The following SERPINI1 variants were observed in gnomAD, a reference collection of about 807,000 sequenced individuals.
SERPINI1 encodes serpin family I member 1, also known as neuroserpin.
Under a neutral mutation model 41.1 loss-of-function variants are expected in SERPINI1, and 19 were observed. That is an observed-to-expected ratio of 0.46 (90% CI 0.32 to 0.68). SERPINI1 has a LOEUF of 0.68. Among genes scored for constraint, SERPINI1 ranks in the 30% least tolerant of loss-of-function variants. SERPINI1 has a pLI of 0.03. For missense variants in SERPINI1, 460 were observed against 479.2 expected, an observed-to-expected ratio of 0.96 and a Z score of 0.37; for synonymous variants, 138 against 156.6, an observed-to-expected ratio of 0.88 and a Z score of 0.89.
At chr3:167,760,239 A>G (rs1217367561) in intron 1 of SERPINI1, among the ~76,000 whole-genome samples, 1 of 152,086 alleles carries the variant, frequency 6.6e-6, no homozygotes, top group African/African-American at 2.4e-5. Context: ...GCAAACTTAA[A>G]TTAGTTATGA....
chr3:167,787,860 T>A (rs1727365456), intron 1 of SERPINI1, among the ~76,000 whole-genome samples: 1 of 152,134 alleles, frequency 6.6e-6, no homozygotes, highest in Non-Finnish European at 1.5e-5. Flanking sequence ...GAAATTGGAG[T>A]TACAAATAAA....
chr3:167,794,543 T>C (rs950699639), intron 4 of SERPINI1, 77 bp from the exon 5 acceptor site: 19 of 1,187,396 alleles, frequency 1.6e-5, no homozygotes, highest in African/African-American at 3.0e-5. Context: ...ATACCAAATA[T>C]GTAGTCTTTC....
At chr3:167,820,395 T>C (rs1387691669) in intron 6 of SERPINI1, among the ~76,000 whole-genome samples, 1 of 152,154 alleles carries the variant, frequency 6.6e-6, no homozygotes, top group Non-Finnish European at 1.5e-5. Flanking sequence ...GACCTGGGCA[T>C]CTCTGCACTC....
chr3:167,800,461 T>C (rs547943381), intron 5 of SERPINI1, among the ~76,000 whole-genome samples: 2 of 152,348 alleles, frequency 1.3e-5, no homozygotes, highest in Non-Finnish European at 2.9e-5. Flanking sequence ...AACTTGATTC[T>C]TTTGAATTTT....
At chr3:167,759,419 T>TATATATATATATATATATATATATATGC (rs1726305197) in intron 1 of SERPINI1, among the ~76,000 whole-genome samples, 1 of 148,340 alleles carries the variant, frequency 6.7e-6, no homozygotes, top group African/African-American at 2.6e-5. Flanking sequence ...TATATATATA[T>TATATATATATATATATATATATATATGC]ATGCGCCATG....
chr3:167,810,262 C>T (rs181674401), intron 6 of SERPINI1, among the ~76,000 whole-genome samples: 386 of 152,194 alleles, frequency 2.5e-3, no homozygotes, highest in Non-Finnish European at 4.0e-3. Flanking sequence ...TGATTAATGT[C>T]TATAACTCTT....
At chr3:167,750,261 AAT>A (rs1726001044) in intron 1 of SERPINI1, among the ~76,000 whole-genome samples, 1 of 152,200 alleles carries the variant, frequency 6.6e-6, no homozygotes, top group Non-Finnish European at 1.5e-5. Flanking sequence ...ACAGCACTGA[AAT>A]GTCTGTTTCA....
In SERPINI1 at chr3:167,802,542, G is replaced by T. The variant is rs1404545502; in HGVS notation, c.882-4702G>T. On this transcript the variant is annotated intron_variant, in intron 5 of 8. Transcript: ENST00000446050. ...CATGAAAAAATGCTCACCATCACTGGCCATCAGAGAAATGCAAATCAAAAC... is the reference window on the plus strand; with the variant it reads ...CATGAAAAAATGCTCACCATCACTGTCCATCAGAGAAATGCAAATCAAAAC... 2.6e-5 allele frequency among the ~76,000 whole-genome samples: 4 copies of T among 151,714 alleles called. No homozygotes were observed. In the East Asian group the frequency reaches 7.7e-4, roughly 29 times the overall value.
intron 1 of SERPINI1, among the ~76,000 whole-genome samples, chr3:167,761,605 C>T (rs980927500): frequency 6.6e-6 from 1 of 152,168 alleles, no homozygotes; most frequent in Non-Finnish European, 1.5e-5. Flanking sequence ...GCTTTCATTG[C>T]TTATAAAATG....
At chr3:167,762,420 C>T (rs953821615) in intron 1 of SERPINI1, among the ~76,000 whole-genome samples, 1 of 152,144 alleles carries the variant, frequency 6.6e-6, no homozygotes, top group Non-Finnish European at 1.5e-5. Context: ...CTCCCTTCTC[C>T]ACCCAGCTAC....
intron 6 of SERPINI1, among the ~76,000 whole-genome samples, chr3:167,819,505 A>T (rs1375625611): frequency 1.3e-5 from 2 of 152,232 alleles, no homozygotes; most frequent in Non-Finnish European, 2.9e-5. Context: ...AGAAGAAAAC[A>T]TCATAATATG....
Position 167,759,400 on chromosome 3 carries a change from G to GTGTATATATATA in SERPINI1, c.-19+23578_-19+23579insGTATATATATAT, listed in dbSNP as rs964402772. Among the ~76,000 whole-genome samples the GTGTATATATATA allele has an allele frequency of 5.2e-3, 634 of 121,152 alleles. 17 individuals are homozygous for GTGTATATATATA. The highest frequency in any genetic ancestry group is 0.018 in the African/African-American group (599 of 32,916). 79.5% of individuals were successfully genotyped at this position (121,152 alleles called of 152,430 possible). ...ATCAACATTGGATAAAGAAAATGTGGTATATATATATATATATATATGCGC... is the reference window on the plus strand; with the variant it reads ...ATCAACATTGGATAAAGAAAATGTGGTGTATATATATATATATATATATATATATATATGCGC... On this transcript the variant is annotated intron_variant, in intron 1 of 8. Transcript: ENST00000446050.
chr3:167,739,648 A>G (rs1383330449), intron 1 of SERPINI1, among the ~76,000 whole-genome samples: 1 of 152,134 alleles, frequency 6.6e-6, no homozygotes, highest in Non-Finnish European at 1.5e-5. Flanking sequence ...CCCTGGAGTT[A>G]TACCTTTGTT....
intron 1 of SERPINI1, among the ~76,000 whole-genome samples, chr3:167,760,562 TGTGTGTGTGTGTG>T (rs1726343572): frequency 1.1e-3 from 1 of 930 alleles, no homozygotes; most frequent in Non-Finnish European, 2.1e-3. Context: ...GGCTCCAAAT[TGTGTGTGTGTGTG>T]TGTGTGTGTG....
chr3:167,765,198 C>G (rs933275027), intron 1 of SERPINI1, among the ~76,000 whole-genome samples: 1 of 152,240 alleles, frequency 6.6e-6, no homozygotes, highest in African/African-American at 2.4e-5. Context: ...CCACATTTCT[C>G]TTCCACATTA....
chr3:167,817,980 A>G (rs2108572721), intron 6 of SERPINI1, among the ~76,000 whole-genome samples: 1 of 152,212 alleles, frequency 6.6e-6, no homozygotes, highest in Non-Finnish European at 1.5e-5. Context: ...CGCATAAAAA[A>G]GAACAAATAC....
intron 1 of SERPINI1, among the ~76,000 whole-genome samples, chr3:167,740,704 T>C (rs1490470032): frequency 1.3e-5 from 2 of 152,218 alleles, no homozygotes; most frequent in Non-Finnish European, 2.9e-5. Context: ...AACTGCAAAC[T>C]TGCGCGCGCG....
chr3:167,749,869 G>C (rs1725989408), intron 1 of SERPINI1, among the ~76,000 whole-genome samples: 1 of 152,188 alleles, frequency 6.6e-6, no homozygotes, highest in Admixed American at 6.5e-5. Context: ...AGAAAGCATA[G>C]GTGCCGGAAG....
chr3:167,778,511 G>A (rs1291940718), intron 1 of SERPINI1, among the ~76,000 whole-genome samples: 2 of 152,174 alleles, frequency 1.3e-5, no homozygotes, highest in South Asian at 2.1e-4. Context: ...TCTGTGTGGG[G>A]ATCACAGGAC....
Sources: allele counts gnomAD v4.1 joint callset (sites outside exome capture counted in the v4.1 genomes callset), GRCh38; gene constraint gnomAD v4.1.1; transcripts MANE v1.5; gene names NCBI Gene and HGNC (gene_info 2026-07-23, HGNC 2026-07-21).